The following SPTLC2 variants were observed in gnomAD, a reference collection of about 807,000 sequenced individuals.
SPTLC2 encodes the protein serine palmitoyltransferase 2.
In SPTLC2, 21 loss-of-function variants were observed where a neutral mutation model predicts 62.0. The ratio of observed to expected loss-of-function variants is 0.34; its 90% CI spans 0.24 to 0.49. SPTLC2 has a LOEUF of 0.49. SPTLC2 is among the 20% of genes least tolerant of loss of function. SPTLC2 has a pLI of 0.99. For missense variants in SPTLC2, 511 were observed against 713.0 expected, an observed-to-expected ratio of 0.72 and a Z score of 3.23; for synonymous variants, 261 against 261.8, an observed-to-expected ratio of 1.00 and a Z score of 0.03.
At chr14:77,532,684 T>C (rs2079446736) in intron 9 of SPTLC2, among the ~76,000 whole-genome samples, 1 of 151,832 alleles carries the variant, frequency 6.6e-6, no homozygotes, top group Admixed American at 6.6e-5. Flanking sequence ...CTCGGGAGGC[T>C]GAGGCAGGAG....
At chr14:77,535,185 C>T (rs1432599355) in intron 9 of SPTLC2, among the ~76,000 whole-genome samples, 1 of 152,174 alleles carries the variant, frequency 6.6e-6, no homozygotes, top group East Asian at 1.9e-4. Context: ...CCTCGGCCTT[C>T]CAAAGTGCTA....
chr14:77,610,431 G>A (rs1247300780), intron 1 of SPTLC2, among the ~76,000 whole-genome samples: 1 of 151,734 alleles, frequency 6.6e-6, no homozygotes, highest in African/African-American at 2.4e-5. Flanking sequence ...CGTGAGCCAC[G>A]GTACCTGGTC....
rs1301043707 is a variant in SPTLC2 at position 77,509,047 on chromosome 14, A to G, written c.*3237T>C. The G allele has an allele frequency of 6.6e-6, 1 of 152,210 alleles. No homozygotes were observed. The highest frequency in any genetic ancestry group is 1.5e-5 in the Non-Finnish European group (1 of 68,044). The allele number at this position is 152,210 out of a possible 1,614,324, so 9.4% of individuals were successfully genotyped here. A position where few individuals can be genotyped will look rare whatever the true frequency, so the allele number is the denominator to read the frequency against. On this transcript the variant is annotated 3_prime_UTR_variant, in exon 12 of 12. Coordinates refer to ENST00000216484, the MANE Select transcript of SPTLC2 (RefSeq NM_004863.4). ...GGCATGACACAAACATAGAGCCCTTAGTGGTTGTGTAGGATGCTTCTGTTC... is the reference window on the plus strand; with the variant it reads ...GGCATGACACAAACATAGAGCCCTTGGTGGTTGTGTAGGATGCTTCTGTTC...
chr14:77,607,071 TTTTG>T (rs146467738), intron 1 of SPTLC2, among the ~76,000 whole-genome samples: 4,636 of 152,152 alleles, frequency 0.03, 217 homozygotes, highest in African/African-American at 0.11. Flanking sequence ...TTGTGCAGTA[TTTTG>T]TTTGTTTGTT....
rs941992937 is a variant in SPTLC2 at position 77,563,586 on chromosome 14, C to G, written c.757-1097G>C. Among the ~76,000 whole-genome samples the G allele has an allele frequency of 4.0e-4, 61 of 152,110 alleles. 1 individual carries two copies. The highest frequency in any genetic ancestry group is 1.3e-3 in the African/African-American group (56 of 41,520). ...GATTACAGGAGCCCACCACCAGGCC[C>G]AGCTAATATTTGTATTTTTAGTAGA... On this transcript the variant is annotated intron_variant, in intron 5 of 11. Coordinates refer to ENST00000216484, the MANE Select transcript of SPTLC2 (RefSeq NM_004863.4).
chr14:77,523,983 C>T (rs1238738019), intron 9 of SPTLC2, among the ~76,000 whole-genome samples: 3 of 151,804 alleles, frequency 2.0e-5, no homozygotes, highest in African/African-American at 4.8e-5. Flanking sequence ...CAATAAAAAC[C>T]GACCAAAAAT....
intron 9 of SPTLC2, among the ~76,000 whole-genome samples, chr14:77,544,034 T>C (rs1337973869): frequency 6.6e-6 from 1 of 151,516 alleles, no homozygotes; most frequent in Non-Finnish European, 1.5e-5. Flanking sequence ...CAATCCTCTT[T>C]TTTATTTTCT....
At chr14:77,579,134 T>C in intron 2 of SPTLC2, 25 bp from the exon 3 acceptor site, 12 of 1,613,236 alleles carry the variant, frequency 7.4e-6, no homozygotes, top group Non-Finnish European at 1.0e-5. Flanking sequence ...TGACATACCA[T>C]AAATTTAACT....
intron 2 of SPTLC2, among the ~76,000 whole-genome samples, chr14:77,580,365 C>T (rs2079741758): frequency 6.6e-6 from 1 of 151,442 alleles, no homozygotes; most frequent in Admixed American, 6.6e-5. Flanking sequence ...GCCTGTAATT[C>T]CAGCTACTCG....
rs2079323126 is a variant in SPTLC2 at position 77,509,765 on chromosome 14, A to AT, written c.*2518dup. 2.5e-6 allele frequency: 1 copy of AT among 397,168 alleles called. No individual in the cohort carries two copies. Among genetic ancestry groups the AT allele is most frequent in the South Asian group, 1.4e-4 (1 of 7,378 alleles). 24.6% of individuals were successfully genotyped at this position (397,168 alleles called of 1,614,324 possible). ...ACAACCAACCATGTATAATGTCTAC[A>AT]TAACATTTTGTTCTTTAGAAAGTAC... On this transcript the variant is annotated 3_prime_UTR_variant, in exon 12 of 12. Transcript: ENST00000216484.
Position 77,543,499 on chromosome 14 carries a change from T to C in SPTLC2, c.1303+8597A>G, listed in dbSNP as rs1281739852. Among the ~76,000 whole-genome samples, 6 of 152,232 alleles carry C rather than the reference T, an allele frequency of 3.9e-5. No homozygotes were observed. The East Asian group carries it at 9.6e-4, about 24-fold the overall frequency. ...GGATTTAAGTTAACAGTTTTAGAGG[T>C]AGAAGGCAATACAATAAGACAATCA... On this transcript the variant is annotated intron_variant, in intron 9 of 11. Transcript: ENST00000216484.
intron 1 of SPTLC2, among the ~76,000 whole-genome samples, chr14:77,614,827 C>T (rs907368757): frequency 2.0e-5 from 3 of 150,812 alleles, no homozygotes; most frequent in African/African-American, 4.9e-5. Context: ...AAAATTTAGC[C>T]GGGCGTGATG....
At chr14:77,527,925 T>C (rs991471969) in intron 9 of SPTLC2, among the ~76,000 whole-genome samples, 1 of 152,234 alleles carries the variant, frequency 6.6e-6, no homozygotes, top group African/African-American at 2.4e-5. Context: ...ATACAACTTA[T>C]ACCATAACCA....
At chr14:77,531,004 CTTCTCCTTCAGTCTA>C (rs2079435782) in intron 9 of SPTLC2, among the ~76,000 whole-genome samples, 1 of 152,252 alleles carries the variant, frequency 6.6e-6, no homozygotes, top group African/African-American at 2.4e-5. Context: ...CATCACACTG[CTTCTCCTTCAGTCTA>C]CTACATCATG....
intron 9 of SPTLC2, among the ~76,000 whole-genome samples, chr14:77,530,311 T>A (rs2079431436): frequency 1.4e-5 from 1 of 74,030 alleles, no homozygotes; most frequent in African/African-American, 4.8e-5. Flanking sequence ...CCACAGGATC[T>A]TTTTTAAAAA....
At chr14:77,518,589 T>G (rs2079370442) in intron 10 of SPTLC2, among the ~76,000 whole-genome samples, 1 of 69,044 alleles carries the variant, frequency 1.4e-5, no homozygotes, top group African/African-American at 4.9e-5. Flanking sequence ...AGAGCAAGGC[T>G]CTGTCTCAAA....
chr14:77,565,971 G>A (rs907655587), intron 5 of SPTLC2, among the ~76,000 whole-genome samples: 1 of 152,142 alleles, frequency 6.6e-6, no homozygotes, highest in African/African-American at 2.4e-5. Context: ...GAAACTGGGG[G>A]AGAAAATAAA....
intron 2 of SPTLC2, among the ~76,000 whole-genome samples, chr14:77,584,988 G>A (rs1348972569): frequency 1.3e-5 from 2 of 152,224 alleles, no homozygotes; most frequent in East Asian, 1.9e-4. Flanking sequence ...CGGCACCAGC[G>A]CGATTCTATG....
chr14:77,516,467 G>GAATTTAA lies in SPTLC2; in HGVS notation c.1569+1570_1569+1571insTTAAATT, dbSNP rs1416151171. The stretch of plus-strand genomic sequence containing the variant: ...GGCACATTGAAATTCTGAGTTAACA[G>GAATTTAA]GTGAACATGAGAAAGAAAAAAGAAA... On this transcript the variant is annotated intron_variant, in intron 11 of 11. Transcript: ENST00000216484. Among the ~76,000 whole-genome samples, 3 of 151,942 alleles carry GAATTTAA rather than the reference G, an allele frequency of 2.0e-5. No homozygotes were observed. In the East Asian group the frequency reaches 5.8e-4, roughly 29 times the overall value.
Sources: gnomAD v4.1 joint callset for allele counts (sites outside exome capture counted in the v4.1 genomes callset) on GRCh38, gnomAD v4.1.1 for gene constraint, MANE v1.5 for transcripts, NCBI Gene and HGNC (gene_info 2026-07-23, HGNC 2026-07-21) for gene names.